KCNN3: variants seen among roughly 807,000 people sequenced by gnomAD.
KCNN3 encodes the protein small conductance calcium-activated potassium channel protein 3.
KCNN3 carries 16 observed loss-of-function variants against 62.9 expected under a neutral mutation model. The ratio of observed to expected loss-of-function variants is 0.25; its 90% CI spans 0.17 to 0.39. KCNN3 has a LOEUF of 0.39. Ranked by LOEUF, KCNN3 falls within the 10% of genes least tolerant of loss-of-function variation. KCNN3 has a pLI of 1.00. For synonymous variants in KCNN3, 370 were observed against 389.2 expected (o/e 0.95, Z 0.58); for missense variants, 599 against 949.4 (o/e 0.63, Z 4.85).
chr1:154,785,553 C>A (rs906330294), intron 2 of KCNN3, among the ~76,000 whole-genome samples: 32 of 149,356 alleles, frequency 2.1e-4, no homozygotes, highest in Admixed American at 4.0e-4. Flanking sequence ...TTGGCTGGGG[C>A]CTAAGCACTT....
chr1:154,863,167 G>A (rs558537367), intron 1 of KCNN3, among the ~76,000 whole-genome samples: 1 of 152,212 alleles, frequency 6.6e-6, no homozygotes, highest in African/African-American at 2.4e-5. Context: ...CCTGCCCCCA[G>A]CTGCTCCTCC....
chr1:154,755,213 A>G (rs1003583729), intron 3 of KCNN3, among the ~76,000 whole-genome samples: 6 of 152,030 alleles, frequency 3.9e-5, no homozygotes, highest in Admixed American at 6.6e-5. Flanking sequence ...GCTCACACCT[A>G]TAATCCTAAT....
intron 1 of KCNN3, among the ~76,000 whole-genome samples, chr1:154,824,414 G>C (rs1213544409): frequency 6.6e-6 from 1 of 152,202 alleles, no homozygotes; most frequent in Non-Finnish European, 1.5e-5. Flanking sequence ...AAAATATTTT[G>C]ATCTTCACAA....
At chr1:154,781,702 G>A (rs1649059009) in intron 2 of KCNN3, among the ~76,000 whole-genome samples, 1 of 152,168 alleles carries the variant, frequency 6.6e-6, no homozygotes, top group African/African-American at 2.4e-5. Context: ...CGATGCACAG[G>A]CAGGGAGCTT....
intron 1 of KCNN3, among the ~76,000 whole-genome samples, chr1:154,828,224 C>G (rs1427384819): frequency 1.5e-5 from 2 of 132,646 alleles, no homozygotes; most frequent in African/African-American, 5.6e-5. Flanking sequence ...AGCCTCAGCC[C>G]CCAGTAAAAT....
intron 5 of KCNN3, among the ~76,000 whole-genome samples, chr1:154,715,591 CTT>C (rs1316332541): frequency 6.6e-6 from 1 of 151,354 alleles, no homozygotes; most frequent in African/African-American, 2.4e-5. Flanking sequence ...TTCTTTCTCT[CTT>C]TCTTTCTCCT....
chr1:154,857,556 C>A (rs1167878625), intron 1 of KCNN3, among the ~76,000 whole-genome samples: 2 of 152,130 alleles, frequency 1.3e-5, no homozygotes, highest in Non-Finnish European at 2.9e-5. Flanking sequence ...TCAGGCAGGG[C>A]AGGAGAAGCT....
Position 154,772,061 on chromosome 1 carries a change from G to C in KCNN3, c.1362C>G (p.Leu454=), listed in dbSNP as rs1557967941. The change falls in exon 3 of 8, where the codon CTC becomes CTG. Residue 454 remains leucine, a synonymous_variant. Coordinates refer to ENST00000271915, the MANE Select transcript of KCNN3 (RefSeq NM_002249.6). This position sits in a 1 kb window ranked among gnomAD's most constrained non-coding sequence, Gnocchi z 5.6. ...NFNTRFVMKT[L]MTICPGTVLL... Reference sequence around the variant, plus strand: ...GCACAGTGCCAGGGCAGATGGTCATGAGCGTCTTCATGACAAAGCGGGTGT... The same window carrying C: ...GCACAGTGCCAGGGCAGATGGTCATCAGCGTCTTCATGACAAAGCGGGTGT... The C allele has an allele frequency of 6.2e-7, 1 of 1,614,190 alleles. No homozygotes were observed. Among genetic ancestry groups the C allele is most frequent in the East Asian group, 2.2e-5 (1 of 44,888 alleles).
chr1:154,868,960 C>A (rs1215891380), intron 1 of KCNN3, 72 bp downstream of exon 1: 18 of 1,313,712 alleles, frequency 1.4e-5, no homozygotes, highest in Non-Finnish European at 2.0e-5. Flanking sequence ...CACAATCCCC[C>A]TCTCTCAATC....
At chr1:154,744,308 C>G (rs1320935718) in intron 3 of KCNN3, among the ~76,000 whole-genome samples, 1 of 152,216 alleles carries the variant, frequency 6.6e-6, no homozygotes, top group African/African-American at 2.4e-5. Context: ...GAGCTGTTAC[C>G]TGATTTTACA....
At position 154,700,947 on chromosome 1, in the gene KCNN3, T is replaced by C. The variant is rs531442186; in HGVS notation, c.*7029A>G. 2.6e-5 allele frequency: 4 copies of C among 152,306 alleles called. No homozygotes were observed. The highest frequency in any genetic ancestry group is 2.6e-4 in the Admixed American group (4 of 15,288). 9.4% of individuals were successfully genotyped at this position (152,306 alleles called of 1,614,324 possible). On this transcript the variant is annotated 3_prime_UTR_variant, in exon 8 of 8. Coordinates refer to ENST00000271915, the MANE Select transcript of KCNN3 (RefSeq NM_002249.6). ...CAATTTCCATTATCCGGTGAGTAAG[T>C]AACCTGATAAAAACAAGTGCCCTGG...
chr1:154,732,702 T>C (rs547327728), intron 4 of KCNN3, among the ~76,000 whole-genome samples: 3 of 152,180 alleles, frequency 2.0e-5, no homozygotes, highest in African/African-American at 7.2e-5. Flanking sequence ...AGCAGTGGGG[T>C]GGGCATCAGA....
intron 3 of KCNN3, among the ~76,000 whole-genome samples, chr1:154,762,167 T>G (rs1309355465): frequency 6.6e-6 from 1 of 152,204 alleles, no homozygotes; most frequent in Non-Finnish European, 1.5e-5. Flanking sequence ...TAAAATAGCT[T>G]CCTAGAAAGA....
Position 154,828,442 on chromosome 1 carries a change from TCTC to T in KCNN3, c.934-6261_934-6259del, listed in dbSNP as rs776395993. Among the ~76,000 whole-genome samples, 14 of 152,082 alleles carry T rather than the reference TCTC, an allele frequency of 9.2e-5. No individual in the cohort carries two copies. The South Asian group carries it at 2.5e-3, about 27-fold the overall frequency. The stretch of plus-strand genomic sequence containing the variant: ...GCCACAAAACCCACTCACACCATCT[TCTC>T]CTCAAACACAACAAGGCAAGCTTCC... On this transcript the variant is annotated intron_variant, in intron 1 of 7. Coordinates refer to ENST00000271915, the MANE Select transcript of KCNN3 (RefSeq NM_002249.6).
At chr1:154,857,783 C>G (rs1469247989) in intron 1 of KCNN3, among the ~76,000 whole-genome samples, 1 of 152,162 alleles carries the variant, frequency 6.6e-6, no homozygotes, top group African/African-American at 2.4e-5. Flanking sequence ...GTTGTGAGGA[C>G]TTAATGAGAT....
intron 3 of KCNN3, among the ~76,000 whole-genome samples, chr1:154,756,635 G>C (rs867546717): frequency 6.6e-6 from 1 of 152,080 alleles, no homozygotes. Flanking sequence ...TCAGACCTCA[G>C]CTGAAGCATC....
intron 2 of KCNN3, among the ~76,000 whole-genome samples, chr1:154,794,910 CT>C (rs1649664285): frequency 6.6e-6 from 1 of 152,180 alleles, no homozygotes; most frequent in Non-Finnish European, 1.5e-5. Context: ...CTCGTTTTCA[CT>C]GACTTCCTAG....
At chr1:154,860,377 T>C (rs1180483241) in intron 1 of KCNN3, among the ~76,000 whole-genome samples, 1 of 152,210 alleles carries the variant, frequency 6.6e-6, no homozygotes, top group Non-Finnish European at 1.5e-5. Flanking sequence ...TCCAGGCCTC[T>C]CAGCCTCTGG....
At chr1:154,860,057 C>G (rs1652701452) in intron 1 of KCNN3, among the ~76,000 whole-genome samples, 1 of 152,208 alleles carries the variant, frequency 6.6e-6, no homozygotes, top group Non-Finnish European at 1.5e-5. Flanking sequence ...AAGCCCTGGG[C>G]ACGTCCCTCC....
Sources: gnomAD v4.1 joint callset for allele counts (sites outside exome capture counted in the v4.1 genomes callset) on GRCh38, gnomAD v4.1.1 for gene constraint, Gnocchi (gnomAD v3.1) non-coding constraint, MANE v1.5 for transcripts, NCBI Gene and HGNC (gene_info 2026-07-23, HGNC 2026-07-21) for gene names.